KCNIP1: variants seen among roughly 807,000 people sequenced by gnomAD.
KCNIP1 encodes the protein A-type potassium channel modulatory protein KCNIP1.
Under a neutral mutation model 33.0 loss-of-function variants are expected in KCNIP1, and 18 were observed. The ratio of observed to expected loss-of-function variants is 0.55; its 90% confidence interval spans 0.38 to 0.81. The LOEUF (loss-of-function observed/expected upper bound fraction) is 0.81. Ranked by LOEUF, KCNIP1 falls within the 30% of genes least tolerant of loss-of-function variation. KCNIP1 has a pLI of 0.00. For missense variants in KCNIP1, 238 were observed against 271.6 expected, an observed-to-expected ratio of 0.88 and a Z score of 0.87; for synonymous variants, 93 against 98.3, an observed-to-expected ratio of 0.95 and a Z score of 0.32.
chr5:170,646,907 A>G (rs929478024), intron 1 of KCNIP1, among the ~76,000 whole-genome samples: 29 of 152,344 alleles, frequency 1.9e-4, no homozygotes, highest in African/African-American at 6.5e-4. Context: ...TTGCAGGATA[A>G]GGTTAATATA....
chr5:170,601,759 T>A (rs1758696541), intron 1 of KCNIP1, among the ~76,000 whole-genome samples: 1 of 152,166 alleles, frequency 6.6e-6, no homozygotes, highest in Non-Finnish European at 1.5e-5. Flanking sequence ...AGGGAGAGGC[T>A]GGTTGGAATG....
chr5:170,424,879 C>T (rs550701810), intron 1 of KCNIP1, among the ~76,000 whole-genome samples: 6 of 152,356 alleles, frequency 3.9e-5, no homozygotes, highest in Admixed American at 3.9e-4. Flanking sequence ...TCATTCGTTC[C>T]TACCCCACTC....
intron 1 of KCNIP1, among the ~76,000 whole-genome samples, chr5:170,426,808 AGAGGGTG>A (rs1161612077): frequency 6.6e-6 from 1 of 152,252 alleles, no homozygotes; most frequent in Non-Finnish European, 1.5e-5. Context: ...AGGGGTTCGT[AGAGGGTG>A]GAGCTGAGAG....
chr5:170,555,933 C>T (rs772422518), intron 1 of KCNIP1, among the ~76,000 whole-genome samples: 1 of 152,196 alleles, frequency 6.6e-6, no homozygotes, highest in Non-Finnish European at 1.5e-5. Flanking sequence ...GGAAACACCA[C>T]CCAAGCCCAG....
chr5:170,452,058 G>A (rs933256865), intron 1 of KCNIP1, among the ~76,000 whole-genome samples: 42 of 152,058 alleles, frequency 2.8e-4, no homozygotes, highest in Admixed American at 7.2e-4. Flanking sequence ...CTGTGACTCC[G>A]TCTCCATTCC....
chr5:170,457,694 C>T (rs1756417500), intron 1 of KCNIP1, among the ~76,000 whole-genome samples: 1 of 152,180 alleles, frequency 6.6e-6, no homozygotes, highest in Non-Finnish European at 1.5e-5. Flanking sequence ...ATCTGAACAA[C>T]AGCCTCGAGC....
At chr5:170,550,530 G>T (rs555903468) in intron 1 of KCNIP1, among the ~76,000 whole-genome samples, 1 of 148,568 alleles carries the variant, frequency 6.7e-6, no homozygotes, top group South Asian at 2.1e-4. Context: ...CAATGATGAT[G>T]ATGGTGATAA....
intron 1 of KCNIP1, among the ~76,000 whole-genome samples, chr5:170,661,482 G>A (rs1287302006): frequency 1.3e-5 from 2 of 152,140 alleles, no homozygotes; most frequent in Admixed American, 6.5e-5. Flanking sequence ...TCCCAAAGAT[G>A]CTGCCATCCC....
At chr5:170,355,160 A>G (rs1458938440) in intron 1 of KCNIP1, among the ~76,000 whole-genome samples, 1 of 152,084 alleles carries the variant, frequency 6.6e-6, no homozygotes, top group Non-Finnish European at 1.5e-5. Flanking sequence ...TTATTTCCCT[A>G]CCATCCTTCT....
intron 1 of KCNIP1, among the ~76,000 whole-genome samples, chr5:170,438,130 C>G (rs1755906715): frequency 1.3e-5 from 2 of 152,198 alleles, no homozygotes; most frequent in Admixed American, 6.5e-5. Flanking sequence ...GAATTTGGCT[C>G]TCTCCGTCCC....
chr5:170,648,210 G>T (rs1472957016), intron 1 of KCNIP1, among the ~76,000 whole-genome samples: 1 of 152,192 alleles, frequency 6.6e-6, no homozygotes, highest in African/African-American at 2.4e-5. Flanking sequence ...TGCTTTGGAA[G>T]ACAGTTTGGC....
chr5:170,380,569 C>A (rs1376926381), intron 1 of KCNIP1, among the ~76,000 whole-genome samples: 3 of 152,210 alleles, frequency 2.0e-5, no homozygotes, highest in African/African-American at 7.2e-5. Flanking sequence ...CTGGGAAATG[C>A]AGATGCTGCA....
chr5:170,467,689 G>A (rs1265620676), intron 1 of KCNIP1, among the ~76,000 whole-genome samples: 2 of 152,070 alleles, frequency 1.3e-5, no homozygotes, highest in Non-Finnish European at 2.9e-5. Context: ...AGGCCGAGGC[G>A]GGTGGATCAC....
chr5:170,710,563 G>A (rs1304798459), intron 1 of KCNIP1, among the ~76,000 whole-genome samples: 1 of 152,166 alleles, frequency 6.6e-6, no homozygotes, highest in Non-Finnish European at 1.5e-5. Context: ...TACCTATCTG[G>A]TTGAGTCTTC....
At chr5:170,643,624 A>G (rs1760665044) in intron 1 of KCNIP1, among the ~76,000 whole-genome samples, 1 of 152,210 alleles carries the variant, frequency 6.6e-6, no homozygotes, top group South Asian at 2.1e-4. Flanking sequence ...AAAGAAGACA[A>G]ACTATCCACG....
chr5:170,438,706 C>T (rs1038321329), intron 1 of KCNIP1, among the ~76,000 whole-genome samples: 2 of 152,126 alleles, frequency 1.3e-5, no homozygotes, highest in Non-Finnish European at 2.9e-5. Flanking sequence ...TGCTCTTTCT[C>T]ACCCCCAAGC....
At chr5:170,408,431 A>G (rs1755094032) in intron 1 of KCNIP1, among the ~76,000 whole-genome samples, 1 of 152,134 alleles carries the variant, frequency 6.6e-6, no homozygotes, top group Admixed American at 6.6e-5. Context: ...GAATGAGCTC[A>G]TTGTCATGTA....
At chr5:170,582,175 C>T (rs1355773391) in intron 1 of KCNIP1, among the ~76,000 whole-genome samples, 2 of 152,138 alleles carry the variant, frequency 1.3e-5, no homozygotes, top group African/African-American at 4.8e-5. Flanking sequence ...ATAGCACCCA[C>T]CTAACGAATG....
chr5:170,431,332 C>T (rs1204325035), intron 1 of KCNIP1, among the ~76,000 whole-genome samples: 1 of 152,186 alleles, frequency 6.6e-6, no homozygotes, highest in Non-Finnish European at 1.5e-5. Context: ...GAAGAAATGT[C>T]CATTCATTCG....
Sources: gnomAD v4.1 joint callset for allele counts (sites outside exome capture counted in the v4.1 genomes callset) on GRCh38, gnomAD v4.1.1 for gene constraint, MANE v1.5 for transcripts, NCBI Gene and HGNC (gene_info 2026-07-23, HGNC 2026-07-21) for gene names.